FLT3: variants seen among roughly 807,000 people sequenced by gnomAD.
FLT3 encodes receptor-type tyrosine-protein kinase FLT3.
A neutral mutation model predicts 126.6 loss-of-function variants in FLT3; 46 were observed. That is an observed-to-expected ratio of 0.36 (90% CI 0.29 to 0.46). The LOEUF (loss-of-function observed/expected upper bound fraction) is 0.46. Ranked by LOEUF, FLT3 falls within the 20% of genes least tolerant of loss-of-function variation. The pLI is 1.00. For synonymous variants in FLT3, 404 were observed against 434.4 expected, an observed-to-expected ratio of 0.93 and a Z score of 0.87; for missense variants, 1,069 against 1,190.3, an observed-to-expected ratio of 0.90 and a Z score of 1.50.
rs9512982 is a variant in FLT3 at position 28,023,702 on chromosome 13, G to A, written c.2291-225C>T. ...AAACTTTGGAACTGCTTTGATGACC[G>A]ATGACCTCCTGATTGATTAGTCAGG... On this transcript the variant is annotated intron_variant, in intron 18 of 23. Transcript: ENST00000241453. 0.16 allele frequency among the ~76,000 whole-genome samples: 23,644 copies of A among 152,192 alleles called. 2,192 individuals are homozygous for A. Among genetic ancestry groups the A allele is most frequent in the Middle Eastern group, 0.26 (77 of 294 alleles).
chr13:28,100,447 AG>A lies in FLT3; in HGVS notation c.43+20del. ...GGCTGAGGGACCGCGAGGGGCTGCGAGCGAGCGAGCGGGGCCTTACCGAGCA... is the reference window on the plus strand; with the variant it reads ...GGCTGAGGGACCGCGAGGGGCTGCGACGAGCGAGCGGGGCCTTACCGAGCA... On this transcript the variant is annotated intron_variant, in intron 1 of 23. Transcript: ENST00000241453. The surrounding 1 kb of genome is among the most constrained non-coding windows in gnomAD (Gnocchi z 4.8). 1 of 1,207,176 alleles carries A rather than the reference AG, an allele frequency of 8.3e-7. No individual in the cohort carries two copies. The highest frequency in any genetic ancestry group is 3.3e-5 in the East Asian group (1 of 30,008). 74.8% of individuals were successfully genotyped at this position (1,207,176 alleles called of 1,614,324 possible).
intron 6 of FLT3, 46 bp downstream of exon 6, chr13:28,050,049 A>G: frequency 6.2e-7 from 1 of 1,601,560 alleles, no homozygotes; most frequent in Non-Finnish European, 8.5e-7. Flanking sequence ...GATAGTTGCT[A>G]AGAACCGGTC....
chr13:28,088,132 T>C (rs1245561878), intron 1 of FLT3, among the ~76,000 whole-genome samples: 1 of 152,202 alleles, frequency 6.6e-6, no homozygotes, highest in East Asian at 1.9e-4. Flanking sequence ...CTTGAACTTT[T>C]TTCTGGGATG....
In FLT3 at chr13:28,050,133, T is replaced by C; in HGVS notation, c.704A>G (p.Asn235Ser). 2 of 1,614,192 alleles carry C rather than the reference T, an allele frequency of 1.2e-6. No homozygotes were observed. Among genetic ancestry groups the C allele is most frequent in the South Asian group, 2.2e-5 (2 of 91,088 alleles). Residue 235 changes from asparagine to serine, a missense_variant, in exon 6 of 24, where the codon AAT (asparagine) becomes AGT (serine). Physicochemically the swap from Asn to Ser is conservative, Grantham distance 46. Transcript: ENST00000241453. ...FGTDIRCCAR[N>S]ELGRECTRLF... Reference sequence around the variant, plus strand: ...CCTGGTGCATTCCCTGCCCAGTTCATTTCTGGCACAGCACCTTATGTCCGT... The same window carrying C: ...CCTGGTGCATTCCCTGCCCAGTTCACTTCTGGCACAGCACCTTATGTCCGT...
At position 28,003,748 on chromosome 13, in the gene FLT3, T is replaced by C. The variant is rs1870637379; in HGVS notation, c.*304A>G. The C allele has an allele frequency of 3.1e-6, 1 of 321,604 alleles. No homozygotes were observed. The highest frequency in any genetic ancestry group is 4.4e-5 in the Admixed American group (1 of 22,864). The allele number at this position is 321,604 out of a possible 1,614,324, so 19.9% of individuals were successfully genotyped here. On this transcript the variant is annotated 3_prime_UTR_variant, in exon 24 of 24. Transcript: ENST00000241453. ...AGCAAAATGCTTTTGTTTTATGTAT[T>C]TACAAGAATATACTGTACTTCAGGT...
intron 1 of FLT3, among the ~76,000 whole-genome samples, chr13:28,079,086 T>C: frequency 6.6e-6 from 1 of 152,198 alleles, no homozygotes; most frequent in East Asian, 1.9e-4. Context: ...CTTACAAAAC[T>C]GAATGCCTTT....
intron 2 of FLT3, among the ~76,000 whole-genome samples, chr13:28,068,580 G>A (rs1877235268): frequency 6.6e-6 from 1 of 152,200 alleles, no homozygotes; most frequent in Middle Eastern, 3.4e-3. Context: ...GCTCATGCCT[G>A]TAATCCCAAC....
intron 4 of FLT3, 44 bp downstream of exon 4, chr13:28,057,303 T>C (rs1323292151): frequency 7.0e-6 from 6 of 862,216 alleles, no homozygotes; most frequent in South Asian, 2.6e-5. Context: ...CTTTGAAATA[T>C]TGTGGTATTC....
rs558402741 is a variant in FLT3, at chr13:28,045,657, C to T, written c.1205+2618G>A. ...GTTGGATCACTTGAGGTCAGGAGTT[C>T]GAGAACAGCCTGGCCAACATGAAGA... On this transcript the variant is annotated intron_variant, in intron 9 of 23. Transcript: ENST00000241453. Among the ~76,000 whole-genome samples, 27 of 152,034 alleles carry T rather than the reference C, an allele frequency of 1.8e-4. No individual in the cohort carries two copies. The South Asian group carries it at 3.1e-3, about 18-fold the overall frequency.
At chr13:28,069,536 A>T (rs958442611) in intron 2 of FLT3, among the ~76,000 whole-genome samples, 2 of 152,160 alleles carry the variant, frequency 1.3e-5, no homozygotes, top group African/African-American at 4.8e-5. Flanking sequence ...GAAGTGAGGG[A>T]TTCAGGCTTG....
Position 28,034,162 on chromosome 13 carries a change from T to C in FLT3, c.1757A>G (p.Asp586Gly), listed in dbSNP as rs2137675507. ...GAAATCAACGTAGAAGTACTCATTATCTGAGGAGCCGGTCACCTGTACCAT... is the reference window on the plus strand; with the variant it reads ...GAAATCAACGTAGAAGTACTCATTACCTGAGGAGCCGGTCACCTGTACCAT... ...LQMVQVTGSS[D>G]NEYFYVDFRE... The change falls in exon 14 of 24, where the codon GAT (aspartate) becomes GGT (glycine). Residue 586 changes from aspartate to glycine, a missense_variant. Physicochemically the swap from Asp to Gly is moderately conservative, Grantham distance 94. Transcript: ENST00000241453. 3 of 1,614,124 alleles carry C rather than the reference T, an allele frequency of 1.9e-6. No homozygotes were observed. Among genetic ancestry groups the C allele is most frequent in the Non-Finnish European group, 2.5e-6 (3 of 1,179,972 alleles).
chr13:28,085,161 G>C (rs1878582231), intron 1 of FLT3, among the ~76,000 whole-genome samples: 1 of 151,090 alleles, frequency 6.6e-6, no homozygotes, highest in African/African-American at 2.4e-5. Context: ...TGGCCAACGT[G>C]GTGAAACCCT....
chr13:28,017,706 C>A (rs1362777349), intron 20 of FLT3, among the ~76,000 whole-genome samples: 3 of 149,972 alleles, frequency 2.0e-5, no homozygotes, highest in Non-Finnish European at 4.4e-5. Flanking sequence ...CTCTTGTTGC[C>A]CAGGCTGGAG....
At chr13:28,056,602 C>T (rs1034076415) in intron 4 of FLT3, among the ~76,000 whole-genome samples, 3 of 152,152 alleles carry the variant, frequency 2.0e-5, no homozygotes, top group South Asian at 2.1e-4. Context: ...AGAAAGCACA[C>T]GCAGGTGGTG....
At chr13:28,076,664 A>C (rs1450357619) in intron 1 of FLT3, among the ~76,000 whole-genome samples, 1 of 152,210 alleles carries the variant, frequency 6.6e-6, no homozygotes, top group Non-Finnish European at 1.5e-5. Context: ...AGCATGAGTG[A>C]GGACTGTAAT....
chr13:28,090,703 G>T (rs775922213), intron 1 of FLT3, among the ~76,000 whole-genome samples: 2 of 152,100 alleles, frequency 1.3e-5, no homozygotes, highest in Non-Finnish European at 2.9e-5. Context: ...ACTGAAGCCC[G>T]CAAAGTGAAG....
At chr13:28,072,725 C>T (rs73154879) in intron 1 of FLT3, among the ~76,000 whole-genome samples, 26,898 of 149,672 alleles carry the variant, frequency 0.18, 2,449 homozygotes, top group Middle Eastern at 0.26. Context: ...AATATGCGGC[C>T]GGGCGTGGTG....
intron 1 of FLT3, among the ~76,000 whole-genome samples, chr13:28,081,251 T>C (rs1490289854): frequency 6.6e-6 from 1 of 151,856 alleles, no homozygotes. Flanking sequence ...AGTTTTCTAA[T>C]ACATAAATAT....
intron 17 of FLT3, among the ~76,000 whole-genome samples, chr13:28,025,946 C>T (rs935317375): frequency 2.0e-5 from 3 of 152,022 alleles, no homozygotes; most frequent in African/African-American, 4.8e-5. Flanking sequence ...AAAACAAAGC[C>T]GGGACTCTCA....
Sources: allele counts gnomAD v4.1 joint callset (sites outside exome capture counted in the v4.1 genomes callset), GRCh38; gene constraint gnomAD v4.1.1; non-coding constraint Gnocchi (gnomAD v3.1); transcripts MANE v1.5; gene names NCBI Gene and HGNC (gene_info 2026-07-23, HGNC 2026-07-21).